Variants in JAK1 observed in about 807,000 individuals in gnomAD.
The protein encoded by JAK1 is Janus kinase 1, also known as tyrosine-protein kinase JAK1.
In JAK1, 16 loss-of-function variants were observed where a neutral mutation model predicts 136.6. The ratio of observed to expected loss-of-function variants is 0.12; its 90% CI spans 0.08 to 0.18. JAK1 has a LOEUF of 0.18. Ranked by LOEUF, JAK1 falls within the 10% of genes least tolerant of loss-of-function variation. The probability of loss-of-function intolerance (pLI) is 1.00; values close to 1 mark genes in which losing one functional copy is unlikely to be tolerated. For missense variants in JAK1, 859 were observed against 1,450.1 expected, an observed-to-expected ratio of 0.59 and a Z score of 6.62; for synonymous variants, 492 against 519.5, an observed-to-expected ratio of 0.95 and a Z score of 0.72.
intron 7 of JAK1, 44 bp downstream of exon 7, chr1:64,866,822 G>A (rs1656732039): frequency 7.0e-7 from 1 of 1,420,096 alleles, no homozygotes; most frequent in Non-Finnish European, 9.8e-7. Flanking sequence ...TACGCTATGT[G>A]ACACGGGAAT....
upstream of JAK1, among the ~76,000 whole-genome samples, chr1:64,970,181 G>A (rs1416973133): frequency 2.9e-5 from 4 of 140,138 alleles, no homozygotes; most frequent in African/African-American, 1.1e-4. Context: ...GCTCACACCT[G>A]TAATCCTAGC....
chr1:64,938,532 T>C (rs7519042), intron 1 of JAK1, among the ~76,000 whole-genome samples: 106,510 of 152,164 alleles, frequency 0.7, 40,618 homozygotes, highest in Middle Eastern at 0.92. Context: ...CTGATTGGCT[T>C]GGGCTTAATG....
chr1:64,899,232 G>C (rs942867647), intron 1 of JAK1, among the ~76,000 whole-genome samples: 2 of 152,084 alleles, frequency 1.3e-5, no homozygotes, highest in African/African-American at 4.8e-5. Flanking sequence ...GACAGCAAAG[G>C]AAATGGAAAC....
chr1:64,954,047 C>T (rs1646139098), intron 1 of JAK1, among the ~76,000 whole-genome samples: 1 of 152,114 alleles, frequency 6.6e-6, no homozygotes, highest in Non-Finnish European at 1.5e-5. Context: ...CTCCAAGGAC[C>T]TAAAACTGCT....
intron 1 of JAK1, among the ~76,000 whole-genome samples, chr1:64,965,554 C>A (rs1646357704): frequency 6.6e-6 from 1 of 152,188 alleles, no homozygotes; most frequent in South Asian, 2.1e-4. Context: ...TCCTCCGATG[C>A]TCCCGGTCGC....
chr1:65,021,234 T>G (rs954428927), intron 2 of JAK1, among the ~76,000 whole-genome samples: 1 of 152,176 alleles, frequency 6.6e-6, no homozygotes, highest in Non-Finnish European at 1.5e-5. Flanking sequence ...TCTAAAGTGG[T>G]AGCCACTTCC....
chr1:64,942,593 G>GC (rs1248658255), intron 1 of JAK1, among the ~76,000 whole-genome samples: 2 of 152,136 alleles, frequency 1.3e-5, no homozygotes, highest in African/African-American at 4.8e-5. Context: ...TAGTGGTCTG[G>GC]CATCCCTATG....
chr1:64,839,270 T>C (rs17390055), intron 20 of JAK1, among the ~76,000 whole-genome samples: 13,522 of 151,810 alleles, frequency 0.089, 690 homozygotes, highest in Non-Finnish European at 0.11. Context: ...TTTAGACAAC[T>C]AGAAAATGAA....
chr1:64,949,618 T>C (rs1646046778), intron 1 of JAK1, among the ~76,000 whole-genome samples: 1 of 152,250 alleles, frequency 6.6e-6, no homozygotes, highest in Non-Finnish European at 1.5e-5. Flanking sequence ...TAAGGAATTA[T>C]AATGGTCCGT....
At chr1:64,867,548 ACT>A (rs1370293433) in intron 6 of JAK1, among the ~76,000 whole-genome samples, 33 of 152,354 alleles carry the variant, frequency 2.2e-4, no homozygotes, top group African/African-American at 7.2e-4. Flanking sequence ...ACATCTACAC[ACT>A]GTTACTAGGA....
intron 17 of JAK1, among the ~76,000 whole-genome samples, 155 bp downstream of exon 17, chr1:64,843,909 T>C (rs545549403): frequency 6.6e-6 from 1 of 152,238 alleles, no homozygotes; most frequent in Non-Finnish European, 1.5e-5. Flanking sequence ...GGAAGTTCAG[T>C]TACATTTGTG....
intron 1 of JAK1, among the ~76,000 whole-genome samples, chr1:64,947,497 A>G (rs1044600298): frequency 2.0e-5 from 3 of 152,226 alleles, no homozygotes; most frequent in African/African-American, 4.8e-5. Context: ...GTGGCAGAAC[A>G]TAAGACCAAT....
At chr1:65,034,115 A>G (rs959057824) in intron 2 of JAK1, among the ~76,000 whole-genome samples, 1 of 152,258 alleles carries the variant, frequency 6.6e-6, no homozygotes, top group Non-Finnish European at 1.5e-5. Flanking sequence ...GGTATTCCAC[A>G]TGGATAAAAG....
intron 3 of JAK1, 106 bp from the exon 4 acceptor site, chr1:64,879,254 G>A (rs2101219220): frequency 7.4e-7 from 1 of 1,350,136 alleles, no homozygotes; most frequent in Non-Finnish European, 1.0e-6. Flanking sequence ...CATCCACAAA[G>A]AATCTGGGTC....
At chr1:64,911,099 A>T (rs1645277729) in intron 1 of JAK1, among the ~76,000 whole-genome samples, 1 of 151,986 alleles carries the variant, frequency 6.6e-6, no homozygotes, top group African/African-American at 2.4e-5. Flanking sequence ...AAAAAAAACA[A>T]TTATTATCTA....
intron 2 of JAK1, among the ~76,000 whole-genome samples, chr1:65,018,385 G>T (rs1006552413): frequency 6.6e-6 from 1 of 151,610 alleles, no homozygotes; most frequent in Non-Finnish European, 1.5e-5. Flanking sequence ...GAACAATAAA[G>T]CCAATAGTTG....
At chr1:64,857,591 T>C (rs2101059214) in intron 10 of JAK1, 65 bp downstream of exon 10, 1 of 1,592,884 alleles carries the variant, frequency 6.3e-7, no homozygotes, top group Non-Finnish European at 8.6e-7. Context: ...CAGCAGCTCC[T>C]GAACCAGGCT....
chr1:64,865,105 G>C lies in JAK1; in HGVS notation c.991-133C>G, dbSNP rs529897799. ...GAAAGCCAGCTCTTCTGGACTTGCA[G>C]GATTGGGGGAGTTGGCACCTGCAGG... On this transcript the variant is annotated intron_variant, in intron 7 of 24. Coordinates refer to ENST00000342505, the MANE Select transcript of JAK1 (RefSeq NM_002227.4). The C allele has an allele frequency of 1.0e-5, 7 of 679,776 alleles. No homozygotes were observed. In the African/African-American group the frequency reaches 1.3e-4, roughly 12 times the overall value. The allele number at this position is 679,776 out of a possible 1,614,324, so 42.1% of individuals were successfully genotyped here.
intron 7 of JAK1, among the ~76,000 whole-genome samples, chr1:64,865,980 A>G (rs1468858059): frequency 6.6e-6 from 1 of 152,088 alleles, no homozygotes; most frequent in East Asian, 1.9e-4. Context: ...GGCTAGGCTC[A>G]AACTCCTCGG....
Sources: gnomAD v4.1 joint callset for allele counts (sites outside exome capture counted in the v4.1 genomes callset) on GRCh38, gnomAD v4.1.1 for gene constraint, MANE v1.5 for transcripts, NCBI Gene and HGNC (gene_info 2026-07-23, HGNC 2026-07-21) for gene names.